The following ZFHX3 variants were observed in gnomAD, a reference collection of about 807,000 sequenced individuals.
The protein encoded by ZFHX3 is zinc finger homeobox protein 3.
Under a neutral mutation model 279.1 loss-of-function variants are expected in ZFHX3, and 42 were observed. The ratio of observed to expected loss-of-function variants is 0.15; its 90% CI spans 0.12 to 0.19. ZFHX3 has a LOEUF of 0.19. Among genes scored for constraint, ZFHX3 ranks in the 10% least tolerant of loss-of-function variants. The pLI, the probability that ZFHX3 is intolerant of heterozygous loss-of-function variation, is 1.00. For synonymous variants in ZFHX3, 2,293 were observed against 1,957.8 expected (o/e 1.17, Z -4.52); for missense variants, 4,981 against 4,754.0 (o/e 1.05, Z -1.40).
intron 1 of ZFHX3, among the ~76,000 whole-genome samples, chr16:73,863,849 TCA>T (rs1961944134): frequency 6.6e-6 from 1 of 152,350 alleles, no homozygotes; most frequent in South Asian, 2.1e-4. Flanking sequence ...ATCCATCTTT[TCA>T]CAGTCATAAT....
intron 3 of ZFHX3, among the ~76,000 whole-genome samples, chr16:72,897,916 G>A (rs903294282): frequency 1.3e-5 from 2 of 152,156 alleles, no homozygotes; most frequent in Admixed American, 6.5e-5. Flanking sequence ...GTCCACAGCC[G>A]CCAAGCTACG....
chr16:73,537,523 G>A (rs187148688), intron 2 of ZFHX3, among the ~76,000 whole-genome samples: 30 of 152,064 alleles, frequency 2.0e-4, no homozygotes, highest in Non-Finnish European at 3.5e-4. Flanking sequence ...TCGCCATGTT[G>A]GCCAGGATGG....
intron 8 of ZFHX3, among the ~76,000 whole-genome samples, chr16:73,078,672 T>C (rs372768123): frequency 3.4e-5 from 5 of 147,474 alleles, no homozygotes; most frequent in Middle Eastern, 3.6e-3. Flanking sequence ...TGAGATGGAG[T>C]CTTGCTCTGT....
chr16:73,359,056 A>G (rs1003953646), intron 3 of ZFHX3, among the ~76,000 whole-genome samples: 1 of 152,220 alleles, frequency 6.6e-6, no homozygotes, highest in African/African-American at 2.4e-5. Flanking sequence ...TAATTTTTGG[A>G]AATTGAGCAT....
intron 3 of ZFHX3, among the ~76,000 whole-genome samples, chr16:73,337,459 C>A (rs1388473516): frequency 6.6e-6 from 1 of 152,148 alleles, no homozygotes; most frequent in Non-Finnish European, 1.5e-5. Context: ...CCCGTTACTG[C>A]TTCCAGGCTA....
In ZFHX3 at chr16:73,158,517, C is replaced by T. The variant is rs148053289; in HGVS notation, c.-1103-14686G>A. ...TTTATCAGTTATATACACTTGTAAA[C>T]GTTTTTCACAAGAGTTCAAACATTT... On this transcript the variant is annotated intron_variant, in intron 5 of 17. Transcript: ENST00000641206. Among the ~76,000 whole-genome samples the T allele has an allele frequency of 1.5e-4, 23 of 151,564 alleles. No homozygotes were observed. The East Asian group carries it at 4.1e-3, about 27-fold the overall frequency.
At position 73,355,150 on chromosome 16, in the gene ZFHX3, G is replaced by A. The variant is rs577639097; in HGVS notation, c.-1290-36814C>T. ...CAGCTTCCATTCAACCTTGAACCGAGATTCCATCTTTGTGGAGAGTGCAGC... is the reference window on the plus strand; with the variant it reads ...CAGCTTCCATTCAACCTTGAACCGAAATTCCATCTTTGTGGAGAGTGCAGC... On this transcript the variant is annotated intron_variant, in intron 3 of 17. Transcript: ENST00000641206. Among the ~76,000 whole-genome samples, 21 of 152,324 alleles carry A rather than the reference G, an allele frequency of 1.4e-4. 1 individual carries two copies. The highest frequency in any genetic ancestry group is 4.6e-4 in the African/African-American group (19 of 41,564).
At chr16:72,862,070 G>A (rs529806603) in intron 4 of ZFHX3, among the ~76,000 whole-genome samples, 3 of 152,172 alleles carry the variant, frequency 2.0e-5, no homozygotes, top group African/African-American at 7.2e-5. Context: ...GGTGTCCTCT[G>A]CTCCCTGAGA....
chr16:73,302,188 T>A (rs921628170), intron 4 of ZFHX3, among the ~76,000 whole-genome samples: 7 of 152,182 alleles, frequency 4.6e-5, no homozygotes, highest in Non-Finnish European at 8.8e-5. Context: ...CTATGCCCTT[T>A]CTATTTTTCC....
intron 3 of ZFHX3, among the ~76,000 whole-genome samples, chr16:72,932,467 GAA>G (rs77027785): frequency 5.7e-4 from 82 of 145,036 alleles, no homozygotes; most frequent in African/African-American, 1.8e-3. Context: ...ATCCCTTTGG[GAA>G]AAAAAAAAAG....
Position 73,448,148 on chromosome 16 carries a change from G to A in ZFHX3, c.-1291+7855C>T, listed in dbSNP as rs141794134. On this transcript the variant is annotated intron_variant, in intron 3 of 17. Transcript: ENST00000641206. ...ATGCTCAGAGCCCATCCAGGGTAAC[G>A]AATCTAGTAAGAAACTTCTTCACAT... Among the ~76,000 whole-genome samples, 129 of 152,252 alleles carry A rather than the reference G, an allele frequency of 8.5e-4. No homozygotes were observed. In the East Asian group the frequency reaches 0.011, roughly 13 times the overall value.
chr16:73,262,236 T>C (rs2013847021), intron 4 of ZFHX3, among the ~76,000 whole-genome samples: 1 of 152,206 alleles, frequency 6.6e-6, no homozygotes, highest in Non-Finnish European at 1.5e-5. Context: ...TTAGGTTGAA[T>C]TGCTTGAGTT....
At chr16:73,794,365 C>G (rs560869349) in intron 1 of ZFHX3, 2 of 152,294 alleles carry the variant, frequency 1.3e-5, no homozygotes, top group Non-Finnish European at 2.9e-5. Context: ...GGACTCCAAG[C>G]TGCTCATCAA....
At chr16:72,912,654 C>T (rs990299353) in intron 3 of ZFHX3, among the ~76,000 whole-genome samples, 1 of 151,990 alleles carries the variant, frequency 6.6e-6, no homozygotes, top group Admixed American at 6.6e-5. Flanking sequence ...AGGATAGGAG[C>T]GAATGGGGAG....
At chr16:73,818,771 A>ACTT (rs1960652486) in intron 1 of ZFHX3, among the ~76,000 whole-genome samples, 1 of 152,196 alleles carries the variant, frequency 6.6e-6, no homozygotes, top group Non-Finnish European at 1.5e-5. Flanking sequence ...GTGTTTTCAA[A>ACTT]CTTAAATTGC....
Position 73,852,639 on chromosome 16 carries a change from G to A in ZFHX3, c.-1608+39012C>T, listed in dbSNP as rs555752257. ...TGATCACCCTCATAACACAATCTCA[G>A]GTCCTTCAGCCCTGACTCCTTTTTC... On this transcript the variant is annotated intron_variant, in intron 1 of 17. Coordinates refer to the ZFHX3 transcript ENST00000641206. Among the ~76,000 whole-genome samples the A allele has an allele frequency of 6.6e-5, 10 of 152,224 alleles. No homozygotes were observed. The East Asian group carries it at 1.9e-3, about 29-fold the overall frequency.
intron 3 of ZFHX3, among the ~76,000 whole-genome samples, chr16:73,321,773 C>T (rs2015579067): frequency 6.6e-6 from 1 of 152,142 alleles, no homozygotes; most frequent in South Asian, 2.1e-4. Context: ...GACAAAACAC[C>T]AGCTTTGTCC....
intron 3 of ZFHX3, among the ~76,000 whole-genome samples, chr16:73,402,724 C>T (rs2143436322): frequency 6.6e-6 from 1 of 152,186 alleles, no homozygotes; most frequent in East Asian, 1.9e-4. Context: ...AAAGCAGGGA[C>T]AGGTCTGTAT....
intron 1 of ZFHX3, among the ~76,000 whole-genome samples, chr16:73,723,996 ATT>A: frequency 1.3e-5 from 2 of 152,192 alleles, no homozygotes; most frequent in Non-Finnish European, 2.9e-5. Flanking sequence ...TCACTGGGAA[ATT>A]TGAAAAGAAA....
Sources: allele counts gnomAD v4.1 joint callset (sites outside exome capture counted in the v4.1 genomes callset), GRCh38; gene constraint gnomAD v4.1.1; transcripts MANE v1.5; gene names NCBI Gene and HGNC (gene_info 2026-07-23, HGNC 2026-07-21).